ADAMTS7: variants seen among roughly 807,000 people sequenced by gnomAD.
The protein encoded by ADAMTS7 is ADAM metallopeptidase with thrombospondin type 1 motif 7.
A neutral mutation model predicts 172.6 loss-of-function variants in ADAMTS7; 89 were observed. The observed-to-expected ratio is 0.52, with a 90% CI of 0.43 to 0.61. The LOEUF (loss-of-function observed/expected upper bound fraction) is 0.61. Ranked by LOEUF, ADAMTS7 falls within the 20% of genes least tolerant of loss-of-function variation. The pLI is 0.00. For missense variants in ADAMTS7, 1,973 were observed against 2,355.6 expected (o/e 0.84, Z 3.36); for synonymous variants, 885 against 978.4 (o/e 0.90, Z 1.78).
In ADAMTS7 at chr15:78,771,950, G is replaced by A; in HGVS notation, c.2132-121C>T. The A allele has an allele frequency of 7.1e-7, 1 of 1,417,524 alleles. No homozygotes were observed. The highest frequency in any genetic ancestry group is 9.4e-7 in the Non-Finnish European group (1 of 1,060,874). 87.8% of individuals were successfully genotyped at this position (1,417,524 alleles called of 1,614,324 possible). ...TGCTGATGCCAAAGCTTTAAAGTCT[G>A]AGCTCCCTAAATTGCTCGGATCTGT... On this transcript the variant is annotated intron_variant, in intron 14 of 23. Transcript: ENST00000388820. The surrounding 1 kb of genome is among the most constrained non-coding windows in gnomAD (Gnocchi z 4.9).
Position 78,759,521 on chromosome 15 carries a change from C to T in ADAMTS7, c.4961G>A (p.Arg1654His), listed in dbSNP as rs756836428. Residue 1654 changes from arginine to histidine, a missense_variant, in exon 24 of 24, where the codon CGC (arginine) becomes CAC (histidine). This residue lies in a region of ADAMTS7 where 94 missense variants were observed against 95.4 expected (regional missense o/e 0.99). Coordinates refer to ENST00000388820, the MANE Select transcript of ADAMTS7 (RefSeq NM_014272.5). ...GGTGCGGATGGTGGGCAGCTGGCAG[C>T]GGCCCAGTAGGCGCAGCGTCTCGCA... ...GFCETLRLLG[R>H]CQLPTIRTQC... 9.7e-5 allele frequency: 155 copies of T among 1,596,602 alleles called. No homozygotes were observed. The highest frequency in any genetic ancestry group is 9.0e-4 in the Middle Eastern group (4 of 4,432).
rs1346291956 is a variant in ADAMTS7 at position 78,790,674 on chromosome 15, T to A, written c.1024A>T (p.Thr342Ser). The change falls in exon 6 of 24, where the codon ACC (threonine) becomes TCC (serine). Residue 342 changes from threonine to serine, a missense_variant. Physicochemically the swap from Thr to Ser is moderately conservative, Grantham distance 58. Coordinates refer to ENST00000388820, the MANE Select transcript of ADAMTS7 (RefSeq NM_014272.5). ...ACCCTCCTGCGGCTGCAGTACCTGG[T>A]GAGCAGGATGGCAGTGTCATGGTGC... ...PLHHDTAILL[T>S]RKDLCAAMNR... 2 of 1,613,652 alleles carry A rather than the reference T, an allele frequency of 1.2e-6. No homozygotes were observed. Among genetic ancestry groups the A allele is most frequent in the Non-Finnish European group, 1.7e-6 (2 of 1,179,994 alleles).
At chr15:78,779,052 C>T (rs1362974862) in intron 8 of ADAMTS7, among the ~76,000 whole-genome samples, 1 of 152,074 alleles carries the variant, frequency 6.6e-6, no homozygotes, top group African/African-American at 2.4e-5. Flanking sequence ...TGCGTGGTCT[C>T]CTAAATCCCC....
chr15:78,810,398 C>G (rs2055848962), intron 1 of ADAMTS7: 2 of 152,332 alleles, frequency 1.3e-5, no homozygotes, highest in Non-Finnish European at 2.9e-5. Context: ...GCGCCAGCAG[C>G]GCGGCCGCCC....
At chr15:78,779,562 G>C (rs746177209) in intron 8 of ADAMTS7, among the ~76,000 whole-genome samples, 10 of 152,218 alleles carry the variant, frequency 6.6e-5, no homozygotes, top group Non-Finnish European at 1.5e-4. Context: ...GGGGAGAAAG[G>C]AGTGTCCCAA....
At chr15:78,798,428 C>T (rs537148696) in intron 2 of ADAMTS7, among the ~76,000 whole-genome samples, 13 of 152,324 alleles carry the variant, frequency 8.5e-5, no homozygotes, top group East Asian at 5.8e-4. Context: ...TCTGACAAAA[C>T]GGTGTCTTAG....
chr15:78,759,381 G>A lies in ADAMTS7; in HGVS notation c.*40C>T, dbSNP rs776501861. Reference sequence around the variant, plus strand: ...GGAGCTCCGCCACAGCCCGTGGTGGGCACTGAGGTCTGTCGGTCGGTCTGT... The same window carrying A: ...GGAGCTCCGCCACAGCCCGTGGTGGACACTGAGGTCTGTCGGTCGGTCTGT... On this transcript the variant is annotated 3_prime_UTR_variant, in exon 24 of 24. Coordinates refer to ENST00000388820, the MANE Select transcript of ADAMTS7 (RefSeq NM_014272.5). The A allele has an allele frequency of 3.9e-6, 6 of 1,549,836 alleles. No homozygotes were observed. The Admixed American group carries it at 7.1e-5, about 18-fold the overall frequency.
intron 1 of ADAMTS7, 104 bp downstream of exon 1, chr15:78,811,017 C>T: frequency 8.7e-7 from 1 of 1,154,340 alleles, no homozygotes; most frequent in Non-Finnish European, 1.1e-6. Context: ...CCAGGCACAG[C>T]GGAGCCGGCG....
intron 8 of ADAMTS7, 104 bp from the exon 9 acceptor site, chr15:78,777,692 C>T (rs2055370976): frequency 7.1e-7 from 1 of 1,408,746 alleles, no homozygotes; most frequent in South Asian, 1.4e-5. Flanking sequence ...GGGCACAGAG[C>T]CCTACAACTG....
intron 22 of ADAMTS7, 21 bp downstream of exon 22, chr15:78,763,678 C>T (rs1444700067): frequency 6.6e-7 from 1 of 1,515,716 alleles, no homozygotes; most frequent in Non-Finnish European, 8.8e-7. Context: ...GCTCCCTGCT[C>T]CTCCCCGCAG....
chr15:78,783,063 C>T (rs118099388), intron 8 of ADAMTS7, among the ~76,000 whole-genome samples: 1,610 of 152,232 alleles, frequency 0.011, 18 homozygotes, highest in Non-Finnish European at 0.016. Context: ...ATACACTCTC[C>T]CAGGAAAAGC....
chr15:78,774,101 C>T (rs534697217), intron 13 of ADAMTS7, 66 bp downstream of exon 13: 3 of 1,570,210 alleles, frequency 1.9e-6, no homozygotes, highest in Admixed American at 1.8e-5. Context: ...CAGGAGAGAA[C>T]CTGGGGCCTG....
chr15:78,784,786 G>C (rs1334294649), intron 8 of ADAMTS7, among the ~76,000 whole-genome samples: 1 of 152,056 alleles, frequency 6.6e-6, no homozygotes. Flanking sequence ...GAAACTAGAA[G>C]ACAACAGAAA....
chr15:78,781,997 G>A (rs1484225008), intron 8 of ADAMTS7, among the ~76,000 whole-genome samples: 2 of 151,792 alleles, frequency 1.3e-5, no homozygotes, highest in Non-Finnish European at 2.9e-5. Flanking sequence ...AATATAACTT[G>A]TCTGCCAACA....
rs761300867 is a variant in ADAMTS7, at chr15:78,771,646, C to A, written c.2315G>T (p.Arg772Leu). ...CGTGAGGTTCTCCCAGTTGCCCCTG[C>A]GTGCGTATGTGAAGGTGGTCCCTGC... is the stretch of plus-strand genomic sequence containing the variant. ...QVAGTTFTYA[R>L]RGNWENLTSP... The change falls in exon 15 of 24, where the codon CGC becomes CTC. Residue 772 changes from arginine to leucine, a missense_variant. By Grantham distance (102) the Arg-to-Leu change is moderately radical. Transcript: ENST00000388820. This position sits in a 1 kb window ranked among gnomAD's most constrained non-coding sequence, Gnocchi z 4.9. 1.2e-6 allele frequency: 2 copies of A among 1,602,018 alleles called. No individual in the cohort carries two copies. The highest frequency in any genetic ancestry group is 1.1e-5 in the South Asian group (1 of 90,988).
chr15:78,791,098 C>T (rs746132835), intron 5 of ADAMTS7, 42 bp downstream of exon 5: 65 of 1,591,166 alleles, frequency 4.1e-5, no homozygotes, highest in Middle Eastern at 3.6e-4. Flanking sequence ...CTCTGGCAGC[C>T]GAAGCCATTG....
chr15:78,795,855 TC>T (rs2055636199), intron 4 of ADAMTS7, among the ~76,000 whole-genome samples: 1 of 152,134 alleles, frequency 6.6e-6, no homozygotes, highest in Non-Finnish European at 1.5e-5. Context: ...AGTAGTCGGC[TC>T]CAGGAATCCC....
At chr15:78,798,538 CCA>C (rs1341421466) in intron 2 of ADAMTS7, among the ~76,000 whole-genome samples, 1 of 152,194 alleles carries the variant, frequency 6.6e-6, no homozygotes, top group Non-Finnish European at 1.5e-5. Context: ...GTGCTCCCTC[CCA>C]GCTGGCCAGG....
At chr15:78,781,110 C>T (rs1236191151) in intron 8 of ADAMTS7, among the ~76,000 whole-genome samples, 4 of 152,258 alleles carry the variant, frequency 2.6e-5, no homozygotes, top group Admixed American at 1.3e-4. Context: ...CAAAGGGCTT[C>T]AGGACCAGCC....
Sources: gnomAD v4.1 joint callset for allele counts (sites outside exome capture counted in the v4.1 genomes callset) on GRCh38, gnomAD v4.1.1 for gene constraint, gnomAD v4.1.1 regional missense constraint, Gnocchi (gnomAD v3.1) non-coding constraint, MANE v1.5 for transcripts, NCBI Gene and HGNC (gene_info 2026-07-23, HGNC 2026-07-21) for gene names.